Variants in VSTM2L observed in about 807,000 individuals in gnomAD.
VSTM2L encodes the protein V-set and transmembrane domain containing 2 like, also known as V-set and transmembrane domain-containing protein 2-like protein.
Under a neutral mutation model 19.9 loss-of-function variants are expected in VSTM2L, and 9 were observed. The ratio of observed to expected loss-of-function variants is 0.45; its 90% confidence interval spans 0.27 to 0.79. VSTM2L has a LOEUF of 0.79. Ranked by LOEUF, VSTM2L falls within the 30% of genes least tolerant of loss-of-function variation. The pLI is 0.15. For synonymous variants in VSTM2L, 127 were observed against 133.8 expected, an observed-to-expected ratio of 0.95 and a Z score of 0.35; for missense variants, 286 against 295.5, an observed-to-expected ratio of 0.97 and a Z score of 0.24.
Position 37,903,953 on chromosome 20 carries a change from G to GCA in VSTM2L, c.121+493_121+494dup, listed in dbSNP as rs200941414. On this transcript the variant is annotated intron_variant, in intron 1 of 3. Coordinates refer to ENST00000373461, the MANE Select transcript of VSTM2L (RefSeq NM_080607.3). ...TGCAGACACACTGGTGCGCGCGCGCGCACACACACACAGGCACACACATAC... is the reference window on the plus strand; with the variant it reads ...TGCAGACACACTGGTGCGCGCGCGCGCACACACACACACAGGCACACACATAC... Among the ~76,000 whole-genome samples the GCA allele has an allele frequency of 3.8e-3, 576 of 151,982 alleles. 4 individuals carry two copies. Among genetic ancestry groups the GCA allele is most frequent in the African/African-American group, 0.013 (519 of 41,458 alleles).
chr20:37,943,190 C>T (rs561234223), intron 3 of VSTM2L, among the ~76,000 whole-genome samples: 2 of 152,136 alleles, frequency 1.3e-5, no homozygotes, highest in African/African-American at 4.8e-5. Flanking sequence ...GGCAACATGC[C>T]CAGGTCTCAA....
At chr20:37,936,586 C>T (rs2072941675) in intron 3 of VSTM2L, among the ~76,000 whole-genome samples, 1 of 152,124 alleles carries the variant, frequency 6.6e-6, no homozygotes, top group South Asian at 2.1e-4. Flanking sequence ...GGGAGGGCTT[C>T]GTGAACCTGC....
At chr20:37,912,065 A>C (rs1310849205) in intron 1 of VSTM2L, among the ~76,000 whole-genome samples, 2 of 152,080 alleles carry the variant, frequency 1.3e-5, no homozygotes, top group East Asian at 3.9e-4. Flanking sequence ...GCCTCCTCCC[A>C]TTTACTCCCC....
intron 1 of VSTM2L, among the ~76,000 whole-genome samples, chr20:37,904,892 G>A (rs1003148635): frequency 1.2e-4 from 18 of 152,122 alleles, no homozygotes; most frequent in African/African-American, 4.3e-4. Context: ...GGTAGTAACT[G>A]CTGTGTGCAT....
At chr20:37,931,499 G>A (rs545093819) in intron 1 of VSTM2L, 136 bp from the exon 2 acceptor site, 1 of 946,302 alleles carries the variant, frequency 1.1e-6, no homozygotes, top group East Asian at 2.5e-5. Context: ...CCCACCAGCG[G>A]GCTTGCAGGT....
At chr20:37,926,193 C>T (rs1200629285) in intron 1 of VSTM2L, among the ~76,000 whole-genome samples, 3 of 152,186 alleles carry the variant, frequency 2.0e-5, no homozygotes, top group Non-Finnish European at 4.4e-5. Context: ...TAACAAGTAG[C>T]TGAGATTACA....
Position 37,943,980 on chromosome 20 carries a change from G to C in VSTM2L, c.343-1G>C. On this transcript the variant is annotated splice_acceptor_variant, in intron 3 of 3. Coordinates refer to ENST00000373461, the MANE Select transcript of VSTM2L (RefSeq NM_080607.3). LOFTEE classifies it high-confidence loss of function. ...GGTCACGGTCTCTCTGTCACCCCCA[G>C]GTGGTCAAGGTGGTGGGCAGCAACA... The C allele has an allele frequency of 6.6e-7, 1 of 1,505,580 alleles. No homozygotes were observed. Among genetic ancestry groups the C allele is most frequent in the Non-Finnish European group, 8.9e-7 (1 of 1,118,760 alleles). 93.3% of individuals were successfully genotyped at this position (1,505,580 alleles called of 1,614,324 possible). A position where few individuals can be genotyped will look rare whatever the true frequency, so the allele number is the denominator to read the frequency against.
At chr20:37,903,571 G>T (rs1243831950) in intron 1 of VSTM2L, 100 bp downstream of exon 1, 1 of 1,310,302 alleles carries the variant, frequency 7.6e-7, no homozygotes, top group Non-Finnish European at 9.7e-7. Context: ...GGCGCCAGTC[G>T]TGGCGGGCAT....
At chr20:37,929,042 C>A (rs6021927) in intron 1 of VSTM2L, among the ~76,000 whole-genome samples, 4,970 of 152,232 alleles carry the variant, frequency 0.033, 259 homozygotes, top group African/African-American at 0.11. Flanking sequence ...GGCAGAAAGT[C>A]CTGTTGGCCA....
chr20:37,923,473 TCTC>T (rs1367343001), intron 1 of VSTM2L, among the ~76,000 whole-genome samples: 1 of 152,222 alleles, frequency 6.6e-6, no homozygotes, highest in Non-Finnish European at 1.5e-5. Flanking sequence ...CCATTCTCCT[TCTC>T]CTGCAGAATC....
At chr20:37,939,801 G>A (rs1180827670) in intron 3 of VSTM2L, among the ~76,000 whole-genome samples, 1 of 152,172 alleles carries the variant, frequency 6.6e-6, no homozygotes, top group Non-Finnish European at 1.5e-5. Flanking sequence ...GACAAATTTA[G>A]CCCAAGAAAA....
At chr20:37,931,325 C>G (rs1302133252) in intron 1 of VSTM2L, among the ~76,000 whole-genome samples, 1 of 152,154 alleles carries the variant, frequency 6.6e-6, no homozygotes, top group African/African-American at 2.4e-5. Flanking sequence ...CACATCCAGC[C>G]CAGGCCTTCT....
intron 3 of VSTM2L, among the ~76,000 whole-genome samples, chr20:37,934,147 T>A (rs144658878): frequency 6.6e-6 from 1 of 151,998 alleles, no homozygotes; most frequent in Non-Finnish European, 1.5e-5. Context: ...TTGCCAGAGG[T>A]CACGCCAAGG....
intron 1 of VSTM2L, among the ~76,000 whole-genome samples, chr20:37,904,730 G>A (rs2072742137): frequency 6.6e-6 from 1 of 152,286 alleles, no homozygotes; most frequent in East Asian, 1.9e-4. Flanking sequence ...AGTGAGTGGG[G>A]GTAAGGCAGG....
At chr20:37,904,147 G>A (rs528757076) in intron 1 of VSTM2L, among the ~76,000 whole-genome samples, 1 of 152,360 alleles carries the variant, frequency 6.6e-6, no homozygotes, top group South Asian at 2.1e-4. Flanking sequence ...CTGGTCGCCT[G>A]GGGCTGCAGC....
At chr20:37,914,975 GTT>G (rs1486785218) in intron 1 of VSTM2L, among the ~76,000 whole-genome samples, 1 of 152,188 alleles carries the variant, frequency 6.6e-6, no homozygotes, top group African/African-American at 2.4e-5. Flanking sequence ...GCTTTGTGAG[GTT>G]TTAAAAAAAT....
chr20:37,933,124 C>A (rs1464786074), intron 2 of VSTM2L, among the ~76,000 whole-genome samples: 1 of 152,232 alleles, frequency 6.6e-6, no homozygotes, highest in African/African-American at 2.4e-5. Flanking sequence ...GTTCCCACAG[C>A]GTCTGCACAG....
At chr20:37,939,052 C>T (rs973825907) in intron 3 of VSTM2L, among the ~76,000 whole-genome samples, 1 of 152,182 alleles carries the variant, frequency 6.6e-6, no homozygotes, top group South Asian at 2.1e-4. Flanking sequence ...ATCGCTTCAC[C>T]TCTCTGAGTC....
At chr20:37,932,432 G>A (rs2072916210) in intron 2 of VSTM2L, among the ~76,000 whole-genome samples, 1 of 152,030 alleles carries the variant, frequency 6.6e-6, no homozygotes, top group South Asian at 2.1e-4. Flanking sequence ...CTGGACACAA[G>A]AGCCTGCTGG....
Sources: allele counts gnomAD v4.1 joint callset (sites outside exome capture counted in the v4.1 genomes callset), GRCh38; gene constraint gnomAD v4.1.1; transcripts MANE v1.5; gene names NCBI Gene and HGNC (gene_info 2026-07-23, HGNC 2026-07-21).